RUBCN: variants seen among roughly 807,000 people sequenced by gnomAD.
The protein encoded by RUBCN is run domain Beclin-1-interacting and cysteine-rich domain-containing protein.
RUBCN carries 74 observed loss-of-function variants against 113.2 expected under a neutral mutation model. The ratio of observed to expected loss-of-function variants is 0.65; its 90% confidence interval spans 0.54 to 0.79. RUBCN has a LOEUF of 0.79. RUBCN is among the 30% of genes least tolerant of loss of function. The pLI is 0.00. For synonymous variants in RUBCN, 480 were observed against 490.0 expected, an observed-to-expected ratio of 0.98 and a Z score of 0.27; for missense variants, 1,109 against 1,251.7, an observed-to-expected ratio of 0.89 and a Z score of 1.72.
rs1277451783 is a variant in RUBCN at position 197,681,065 on chromosome 3, CGAGGGGAGGGGAT to C, written c.2430+51_2430+63del. On this transcript the variant is annotated intron_variant, in intron 16 of 19. Transcript: ENST00000296343. This position sits in a 1 kb window ranked among gnomAD's most constrained non-coding sequence, Gnocchi z 5.5. The stretch of plus-strand genomic sequence containing the variant: ...ATGGGGGGAGGGGACGGGGGAGGGA[CGAGGGGAGGGGAT>C]GAGGGGAGGAGAAGGGCAAGACTCT... The C allele has an allele frequency of 1.4e-5, 11 of 807,134 alleles. No homozygotes were observed. Among genetic ancestry groups the C allele is most frequent in the African/African-American group, 3.4e-5 (1 of 29,504 alleles). 50.0% of individuals were successfully genotyped at this position (807,134 alleles called of 1,614,324 possible).
intron 2 of RUBCN, among the ~76,000 whole-genome samples, chr3:197,709,866 A>G (rs1724757674): frequency 6.6e-6 from 1 of 151,852 alleles, no homozygotes; most frequent in Non-Finnish European, 1.5e-5. Context: ...ATGGGAAAAC[A>G]CTCTTAATAA....
At position 197,749,494 on chromosome 3, in the gene RUBCN, C is replaced by T. The variant is rs552495271; in HGVS notation, c.-341G>A. On this transcript the variant is annotated 5_prime_UTR_variant, in exon 1 of 21. Coordinates refer to the RUBCN transcript ENST00000273582. ...CAGGGAGGGGGGAGCTGGGATGCAG[C>T]TGCAATCTACACTCGCAGGGGTCTG... 4.1e-5 allele frequency: 53 copies of T among 1,286,256 alleles called. No individual in the cohort carries two copies. In the African/African-American group the frequency reaches 6.7e-4, roughly 16 times the overall value. The allele number at this position is 1,286,256 out of a possible 1,614,324, so 79.7% of individuals were successfully genotyped here. A position where few individuals can be genotyped will look rare whatever the true frequency, so the allele number is the denominator to read the frequency against.
chr3:197,715,154 T>TTA (rs1580320774), intron 2 of RUBCN, among the ~76,000 whole-genome samples: 2 of 151,686 alleles, frequency 1.3e-5, no homozygotes, highest in East Asian at 3.9e-4. Flanking sequence ...CTGGGCGTGG[T>TTA]GGTGCATGAC....
intron 1 of RUBCN, among the ~76,000 whole-genome samples, chr3:197,742,000 C>A (rs907017992): frequency 2.0e-5 from 3 of 151,374 alleles, no homozygotes; most frequent in Admixed American, 2.0e-4. Flanking sequence ...CAGGTTCAAG[C>A]GATTCTCCTG....
At chr3:197,677,161 G>A in intron 17 of RUBCN, 123 bp from the exon 18 acceptor site, 1 of 1,086,472 alleles carries the variant, frequency 9.2e-7, no homozygotes, top group Non-Finnish European at 1.4e-6. Context: ...GCCAGCCCAA[G>A]GTTCCAGGCC....
At chr3:197,722,116 G>A (rs1348063039) in intron 1 of RUBCN, among the ~76,000 whole-genome samples, 1 of 151,992 alleles carries the variant, frequency 6.6e-6, no homozygotes, top group Non-Finnish European at 1.5e-5. Flanking sequence ...GGTGGTGCGT[G>A]CATGTAATCC....
chr3:197,742,499 A>G (rs1728566212), intron 1 of RUBCN, among the ~76,000 whole-genome samples: 1 of 152,330 alleles, frequency 6.6e-6, no homozygotes, highest in Admixed American at 6.5e-5. Context: ...TCAAAAAAAA[A>G]AAATCTTATT....
chr3:197,731,929 A>T (rs529231825), intron 1 of RUBCN, among the ~76,000 whole-genome samples: 1 of 152,376 alleles, frequency 6.6e-6, no homozygotes, highest in East Asian at 1.9e-4. Context: ...GAAGGCTTCA[A>T]AAGAAAAATT....
intron 1 of RUBCN, among the ~76,000 whole-genome samples, chr3:197,729,089 T>C (rs1727096579): frequency 6.9e-6 from 1 of 145,276 alleles, no homozygotes; most frequent in Admixed American, 7.0e-5. Flanking sequence ...GAGCTTGCAG[T>C]GAGCCGAGAT....
chr3:197,699,130 C>T (rs1331797075), intron 7 of RUBCN: 3 of 1,290,368 alleles, frequency 2.3e-6, no homozygotes. Flanking sequence ...AGGTTCTGAA[C>T]TAAGAAAGGT....
rs759502757 is a variant in RUBCN at position 197,690,992 on chromosome 3, CAT to C, written c.1786+2721_1786+2722del. On this transcript the variant is annotated intron_variant, in intron 11 of 19. Transcript: ENST00000296343. ...GTCCTCGTAACCTTGACAGTTATCA[CAT>C]GATTAAGTATATACGAAAGCTGGTG... 8.1e-4 allele frequency: 588 copies of C among 724,202 alleles called. 10 individuals carry two copies. The Middle Eastern group carries it at 0.02, about 25-fold the overall frequency. The allele number at this position is 724,202 out of a possible 1,614,324, so 44.9% of individuals were successfully genotyped here.
intron 11 of RUBCN, among the ~76,000 whole-genome samples, chr3:197,686,479 A>ATGACCCC (rs1443443039): frequency 6.6e-6 from 1 of 152,220 alleles, no homozygotes; most frequent in Non-Finnish European, 1.5e-5. Context: ...CAAAGGGGCC[A>ATGACCCC]TGACCCCTGA....
At chr3:197,701,189 G>A (rs1015124150) in intron 6 of RUBCN, 43 bp from the exon 7 acceptor site, 1 of 1,466,982 alleles carries the variant, frequency 6.8e-7, no homozygotes, top group African/African-American at 1.4e-5. Context: ...AGGGTGAGGT[G>A]GAATCCTGCA....
Position 197,674,251 on chromosome 3 carries a change from G to A in RUBCN, c.*767C>T, listed in dbSNP as rs115034378. On this transcript the variant is annotated 3_prime_UTR_variant, in exon 20 of 20. Coordinates refer to ENST00000296343, the MANE Select transcript of RUBCN (RefSeq NM_014687.4). The stretch of plus-strand genomic sequence containing the variant: ...TTCAGCGACAGAGCTGGCGCCTCAC[G>A]TATGCTTGCGGCGTAAGGCTACAGG... 1,665 of 155,324 alleles carry A rather than the reference G, an allele frequency of 0.011. 34 individuals are homozygous for A. The highest frequency in any genetic ancestry group is 0.039 in the African/African-American group (1,609 of 41,604). 9.6% of individuals were successfully genotyped at this position (155,324 alleles called of 1,614,324 possible). A position where few individuals can be genotyped will look rare whatever the true frequency, so the allele number is the denominator to read the frequency against.
chr3:197,699,445 T>C (rs1723392577), intron 7 of RUBCN, among the ~76,000 whole-genome samples: 1 of 152,194 alleles, frequency 6.6e-6, no homozygotes. Flanking sequence ...GGGCTCCCTT[T>C]TTCCAAGGCA....
intron 1 of RUBCN, among the ~76,000 whole-genome samples, chr3:197,720,744 T>C (rs993584395): frequency 1.3e-5 from 2 of 152,142 alleles, no homozygotes; most frequent in Non-Finnish European, 2.9e-5. Flanking sequence ...ACCTTGGCTA[T>C]CATGAATAGC....
intron 7 of RUBCN, among the ~76,000 whole-genome samples, chr3:197,699,447 T>A (rs1470531096): frequency 6.6e-6 from 1 of 152,200 alleles, no homozygotes; most frequent in Admixed American, 6.5e-5. Flanking sequence ...GCTCCCTTTT[T>A]CCAAGGCAGG....
chr3:197,678,777 A>AACTG (rs1158931694), intron 16 of RUBCN, among the ~76,000 whole-genome samples: 189 of 110,942 alleles, frequency 1.7e-3, no homozygotes, highest in Admixed American at 0.015. Flanking sequence ...CCTACGCTCT[A>AACTG]ACAACTGGCT....
At chr3:197,705,299 C>T (rs1302189136) in intron 2 of RUBCN, 124 bp from the exon 3 acceptor site, 2 of 864,132 alleles carry the variant, frequency 2.3e-6, no homozygotes, top group Admixed American at 3.9e-5. Context: ...AGGTTCTTAG[C>T]AGCAATCAAA....
Sources: gnomAD v4.1 joint callset for allele counts (sites outside exome capture counted in the v4.1 genomes callset) on GRCh38, gnomAD v4.1.1 for gene constraint, Gnocchi (gnomAD v3.1) non-coding constraint, MANE v1.5 for transcripts, NCBI Gene and HGNC (gene_info 2026-07-23, HGNC 2026-07-21) for gene names.